The following PXYLP1 variants were observed in gnomAD, a reference collection of about 807,000 sequenced individuals.
The protein encoded by PXYLP1 is acid phosphatase-like 2.
Under a neutral mutation model 37.9 loss-of-function variants are expected in PXYLP1, and 17 were observed. That is an observed-to-expected ratio of 0.45 (90% CI 0.31 to 0.67). The LOEUF (loss-of-function observed/expected upper bound fraction) is 0.67. Among genes scored for constraint, PXYLP1 ranks in the 30% least tolerant of loss-of-function variants. The pLI, the probability that PXYLP1 is intolerant of heterozygous loss-of-function variation, is 0.07. For missense variants in PXYLP1, 511 were observed against 612.0 expected (o/e 0.84, Z 1.74); for synonymous variants, 221 against 232.2 (o/e 0.95, Z 0.44).
intron 1 of PXYLP1, among the ~76,000 whole-genome samples, chr3:141,250,445 T>G (rs974939785): frequency 6.6e-6 from 1 of 152,258 alleles, no homozygotes; most frequent in Admixed American, 6.5e-5. Context: ...TTCAGGTCTC[T>G]GCCCATTCTA....
chr3:141,233,244 G>T (rs1940574650), intron 1 of PXYLP1, among the ~76,000 whole-genome samples: 1 of 152,154 alleles, frequency 6.6e-6, no homozygotes, highest in Admixed American at 6.5e-5. Flanking sequence ...GAGGCGGGCG[G>T]ATCACCAGAG....
intron 1 of PXYLP1, among the ~76,000 whole-genome samples, chr3:141,256,515 C>T (rs1024702489): frequency 1.3e-5 from 2 of 152,152 alleles, no homozygotes; most frequent in East Asian, 1.9e-4. Flanking sequence ...GGCACGTGCA[C>T]GTATACATAC....
At chr3:141,232,604 A>G (rs1392662357) in intron 1 of PXYLP1, among the ~76,000 whole-genome samples, 6 of 152,330 alleles carry the variant, frequency 3.9e-5, no homozygotes, top group Non-Finnish European at 5.9e-5. Context: ...GTGTAGACCC[A>G]CGACGTTGCT....
chr3:141,247,319 A>T (rs1178992306), intron 1 of PXYLP1, among the ~76,000 whole-genome samples: 1 of 152,254 alleles, frequency 6.6e-6, no homozygotes, highest in Non-Finnish European at 1.5e-5. Context: ...CCACTAGAAG[A>T]CCAGAGATCT....
At chr3:141,252,074 G>C (rs751786837) in intron 1 of PXYLP1, among the ~76,000 whole-genome samples, 13 of 152,150 alleles carry the variant, frequency 8.5e-5, no homozygotes, top group Admixed American at 8.5e-4. Flanking sequence ...TCATTATCAC[G>C]TAGAGCAGGG....
intron 4 of PXYLP1, among the ~76,000 whole-genome samples, chr3:141,283,756 C>T (rs1032567206): frequency 1.3e-5 from 2 of 151,526 alleles, no homozygotes; most frequent in African/African-American, 4.9e-5. Flanking sequence ...TGTCACTGGT[C>T]GTCTGCCTCT....
chr3:141,268,616 CAA>C (rs1185148261), intron 2 of PXYLP1, among the ~76,000 whole-genome samples: 1 of 152,194 alleles, frequency 6.6e-6, no homozygotes, highest in Non-Finnish European at 1.5e-5. Context: ...CCCCACCTCA[CAA>C]GAGAGAAGGA....
chr3:141,268,982 G>A (rs531859956), intron 2 of PXYLP1, among the ~76,000 whole-genome samples: 51 of 152,346 alleles, frequency 3.3e-4, no homozygotes, highest in African/African-American at 8.9e-4. Context: ...GGGTCTGCCC[G>A]TCCACACCAC....
intron 1 of PXYLP1, among the ~76,000 whole-genome samples, chr3:141,238,019 T>C (rs1220645875): frequency 5.9e-5 from 9 of 152,226 alleles, no homozygotes; most frequent in African/African-American, 2.2e-4. Context: ...TTTTTGGTCC[T>C]GGTTGACAGA....
At chr3:141,263,066 T>C (rs1374416496) in intron 2 of PXYLP1, among the ~76,000 whole-genome samples, 3 of 152,236 alleles carry the variant, frequency 2.0e-5, no homozygotes, top group Non-Finnish European at 2.9e-5. Flanking sequence ...TATTTGGTCT[T>C]ATTGGTAGTT....
At chr3:141,279,526 A>C (rs1941896232) in intron 4 of PXYLP1, 22 bp downstream of exon 4, 1 of 1,613,922 alleles carries the variant, frequency 6.2e-7, no homozygotes, top group Non-Finnish European at 8.5e-7. Flanking sequence ...TTTTTCTAAA[A>C]GTCATTTTCA....
chr3:141,267,813 A>G (rs1041354785), intron 2 of PXYLP1, among the ~76,000 whole-genome samples: 2 of 151,954 alleles, frequency 1.3e-5, no homozygotes, highest in Admixed American at 6.6e-5. Context: ...GGGTGGAGCT[A>G]GATAATGACC....
At chr3:141,239,240 G>C (rs570063961) in intron 1 of PXYLP1, among the ~76,000 whole-genome samples, 45 of 152,176 alleles carry the variant, frequency 3.0e-4, no homozygotes, top group Non-Finnish European at 1.5e-4. Context: ...TGATTTCCCA[G>C]ACTGGAACCT....
chr3:141,263,184 T>G (rs916286371), intron 2 of PXYLP1, among the ~76,000 whole-genome samples: 11 of 152,242 alleles, frequency 7.2e-5, no homozygotes, highest in Non-Finnish European at 1.5e-4. Flanking sequence ...AAGTATGTAG[T>G]GAACCTACAT....
At chr3:141,261,360 T>C (rs189861330) in intron 2 of PXYLP1, among the ~76,000 whole-genome samples, 1 of 152,224 alleles carries the variant, frequency 6.6e-6, no homozygotes, top group African/African-American at 2.4e-5. Flanking sequence ...GGTTTCACCA[T>C]GTTGCCCAGA....
chr3:141,266,196 GT>G (rs2148772494), intron 2 of PXYLP1, among the ~76,000 whole-genome samples: 1 of 152,314 alleles, frequency 6.6e-6, no homozygotes, highest in Non-Finnish European at 1.5e-5. Context: ...CCCAACCCCT[GT>G]TTTTAGATTT....
chr3:141,257,269 G>A (rs1941283366), intron 1 of PXYLP1, among the ~76,000 whole-genome samples: 1 of 152,198 alleles, frequency 6.6e-6, no homozygotes, highest in South Asian at 2.1e-4. Flanking sequence ...TTGGCTCCAT[G>A]TGGTCTCTCA....
intron 1 of PXYLP1, among the ~76,000 whole-genome samples, chr3:141,247,549 C>G (rs961146891): frequency 6.6e-6 from 1 of 152,180 alleles, no homozygotes; most frequent in Admixed American, 6.5e-5. Context: ...AGTGATATGG[C>G]AATCTGTGGT....
At chr3:141,281,819 CAAAGTTAGTTTCACAGGCTTGAGCAG>C (rs1941963338) in intron 4 of PXYLP1, among the ~76,000 whole-genome samples, 1 of 152,248 alleles carries the variant, frequency 6.6e-6, no homozygotes, top group South Asian at 2.1e-4. Flanking sequence ...TTGGGGCCCT[CAAAGTTAGTTTCACAGGCTTGAGCAG>C]AAAGTTAGTT....
Sources: gnomAD v4.1 joint callset for allele counts (sites outside exome capture counted in the v4.1 genomes callset) on GRCh38, gnomAD v4.1.1 for gene constraint, MANE v1.5 for transcripts, NCBI Gene and HGNC (gene_info 2026-07-23, HGNC 2026-07-21) for gene names.